Variants in PREB observed in about 807,000 individuals in gnomAD.
PREB encodes prolactin regulatory element binding, also known as guanine nucleotide-exchange factor SEC12.
Under a neutral mutation model 46.7 loss-of-function variants are expected in PREB, and 29 were observed. That is an observed-to-expected ratio of 0.62 (90% CI 0.46 to 0.85). PREB has a LOEUF of 0.85. Ranked by LOEUF, PREB falls within the 40% of genes least tolerant of loss-of-function variation. The pLI is 0.00. For missense variants in PREB, 494 were observed against 528.4 expected, an observed-to-expected ratio of 0.93 and a Z score of 0.64; for synonymous variants, 224 against 220.1, an observed-to-expected ratio of 1.02 and a Z score of -0.16.
rs1309924191 is a variant in PREB at position 27,133,680 on chromosome 2, G to C, written c.177C>G (p.Ala59=). The change falls in exon 2 of 9, where the codon GCC becomes GCG. Residue 59 remains alanine, a synonymous_variant. Transcript: ENST00000260643. The part of the protein sequence containing the change: ...QLELINGRLS[A]SLLHSHDTET... ...CTGTGTCATGGGAGTGCAGCAAGGA[G>C]GCACTCAAGCGCCCATTAATCAGCT... is the stretch of plus-strand genomic sequence containing the variant. 1 of 1,614,198 alleles carries C rather than the reference G, an allele frequency of 6.2e-7. No homozygotes were observed. The highest frequency in any genetic ancestry group is 1.7e-5 in the Admixed American group (1 of 60,022).
rs1469078195 is a variant in PREB, at chr2:27,131,419, G to A, written c.1249C>T (p.Leu417Phe). Residue 417 changes from leucine (L) to phenylalanine (F), a missense_variant, in exon 9 of 9, where the codon CTT (leucine) becomes TTT (phenylalanine). Transcript: ENST00000260643. ...ATTCCCAGGAAGCAGGGAAGCTAAA[G>A]GAAACCTGGAAAGGCACTCTGGAGC... Reference protein sequence around the residue: ...LLLQSAFPGFL With the variant: ...LLLQSAFPGFF The A allele has an allele frequency of 6.4e-7, 1 of 1,555,188 alleles. No individual in the cohort carries two copies. The highest frequency in any genetic ancestry group is 1.4e-5 in the African/African-American group (1 of 73,142).
At chr2:27,133,849 T>TAATGATA in intron 1 of PREB, 128 bp from the exon 2 acceptor site, 5 of 874,012 alleles carry the variant, frequency 5.7e-6, no homozygotes, top group African/African-American at 1.8e-5. Flanking sequence ...GAGTCTTTTT[T>TAATGATA]CTCTCATTTG....
At position 27,134,555 on chromosome 2, in the gene PREB, G is replaced by C; in HGVS notation, c.-134C>G. 1 of 1,360,128 alleles carries C rather than the reference G, an allele frequency of 7.4e-7. No homozygotes were observed. The highest frequency in any genetic ancestry group is 9.4e-7 in the Non-Finnish European group (1 of 1,063,266). The allele number at this position is 1,360,128 out of a possible 1,614,324, so 84.3% of individuals were successfully genotyped here. A position where few individuals can be genotyped will look rare whatever the true frequency, so the allele number is the denominator to read the frequency against. ...AGCACTCCCTACCCCTCTCACACCGGGGAGTTGCCAAAACCCTGACCATCA... is the reference window on the plus strand; with the variant it reads ...AGCACTCCCTACCCCTCTCACACCGCGGAGTTGCCAAAACCCTGACCATCA... On this transcript the variant is annotated 5_prime_UTR_variant, in exon 1 of 9. Coordinates refer to ENST00000260643, the MANE Select transcript of PREB (RefSeq NM_013388.6).
At chr2:27,133,057 C>A in intron 3 of PREB, 60 bp downstream of exon 3, 1 of 1,595,442 alleles carries the variant, frequency 6.3e-7, no homozygotes, top group East Asian at 2.2e-5. Context: ...CGTTCAACTT[C>A]TCACAATTTT....
In PREB at chr2:27,133,536, C is replaced by T. The variant is rs1672374706; in HGVS notation, c.321G>A (p.Lys107=). 2 of 1,613,080 alleles carry T rather than the reference C, an allele frequency of 1.2e-6. No individual in the cohort carries two copies. Among genetic ancestry groups the T allele is most frequent in the South Asian group, 2.2e-5 (2 of 91,022 alleles). The change falls in exon 2 of 9, where the codon AAG becomes AAA. Residue 107 remains lysine (K), a synonymous_variant. Coordinates refer to ENST00000260643, the MANE Select transcript of PREB (RefSeq NM_013388.6). The part of the protein sequence containing the change: ...AHQQQGNKAE[K]AGSKEQGPRQ... ...GGTAGAGAGGGAGCTCCTCACCGGCCTTCTCTGCCTTGTTGCCCTGCTGTT... is the reference window on the plus strand; with the variant it reads ...GGTAGAGAGGGAGCTCCTCACCGGCTTTCTCTGCCTTGTTGCCCTGCTGTT...
At position 27,132,213 on chromosome 2, in the gene PREB, G is replaced by A; in HGVS notation, c.926+17C>T. 6.2e-7 allele frequency: 1 copy of A among 1,614,108 alleles called. No homozygotes were observed. Among genetic ancestry groups the A allele is most frequent in the African/African-American group, 1.3e-5 (1 of 75,038 alleles). ...CTCAGGGACCCCCTACCTAGCCAAGGCAGCAATGTCTCACACCTGACATCG... is the reference window on the plus strand; with the variant it reads ...CTCAGGGACCCCCTACCTAGCCAAGACAGCAATGTCTCACACCTGACATCG... On this transcript the variant is annotated intron_variant, in intron 6 of 8. Transcript: ENST00000260643. This position sits in a 1 kb window ranked among gnomAD's most constrained non-coding sequence, Gnocchi z 4.0.
At position 27,132,794 on chromosome 2, in the gene PREB, G is replaced by C. The variant is rs1363278197; in HGVS notation, c.627+49C>G. On this transcript the variant is annotated intron_variant, in intron 4 of 8. Coordinates refer to ENST00000260643, the MANE Select transcript of PREB (RefSeq NM_013388.6). The surrounding 1 kb of genome is among the most constrained non-coding windows in gnomAD (Gnocchi z 4.0). ...TCCACTTACTGGGCAAGCAGCATAAGCACCTCCTCTCTCCTTTCTCCATCC... is the reference window on the plus strand; with the variant it reads ...TCCACTTACTGGGCAAGCAGCATAACCACCTCCTCTCTCCTTTCTCCATCC... The C allele has an allele frequency of 6.2e-7, 1 of 1,613,086 alleles. No individual in the cohort carries two copies. Among genetic ancestry groups the C allele is most frequent in the Non-Finnish European group, 8.5e-7 (1 of 1,179,250 alleles).
Position 27,133,594 on chromosome 2 carries a change from G to A in PREB, c.263C>T (p.Ala88Val). 6.2e-7 allele frequency: 1 copy of A among 1,614,124 alleles called. No homozygotes were observed. The highest frequency in any genetic ancestry group is 8.5e-7 in the Non-Finnish European group (1 of 1,179,990). Residue 88 changes from alanine (A) to valine (V), a missense_variant, in exon 2 of 9, where the codon GCC (alanine) becomes GTC (valine). Transcript: ENST00000260643. The stretch of plus-strand genomic sequence containing the variant: ...CTGGAAGCGCAGGAGCTGACAGTGG[G>A]CATCCTGCCCTGCAGCAAGGATGTC... ...AGDILAAGQD[A>V]HCQLLRFQAH...
rs1672306808 is a variant in PREB at position 27,132,196 on chromosome 2, C to A, written c.926+34G>T. 6.2e-7 allele frequency: 1 copy of A among 1,613,552 alleles called. No individual in the cohort carries two copies. Among genetic ancestry groups the A allele is most frequent in the East Asian group, 2.2e-5 (1 of 44,884 alleles). On this transcript the variant is annotated intron_variant, in intron 6 of 8. Coordinates refer to ENST00000260643, the MANE Select transcript of PREB (RefSeq NM_013388.6). The surrounding 1 kb of genome is among the most constrained non-coding windows in gnomAD (Gnocchi z 4.0). ...ACTCCTTTCCAAGCTCCCTCAGGGA[C>A]CCCCTACCTAGCCAAGGCAGCAATG...
rs1414491456 is a variant in PREB at position 27,132,299 on chromosome 2, T to C, written c.857A>G (p.Asp286Gly). The C allele has an allele frequency of 3.2e-5, 52 of 1,614,128 alleles. No homozygotes were observed. The highest frequency in any genetic ancestry group is 5.0e-5 in the Admixed American group (3 of 60,018). The part of the protein sequence containing the change: ...QPPPCYLTAW[D>G]GSNFLPLRTK... The stretch of plus-strand genomic sequence containing the variant: ...CCGAAGGGGCAAGAAGTTGGAGCCA[T>C]CCCAGGCTGTGAGGTAGCAGGGAGG... Residue 286 changes from aspartate to glycine, a missense_variant, in exon 6 of 9, where the codon GAT (aspartate) becomes GGT (glycine). Transcript: ENST00000260643. This position sits in a 1 kb window ranked among gnomAD's most constrained non-coding sequence, Gnocchi z 4.0.
Position 27,131,788 on chromosome 2 carries a change from TC to T in PREB, c.1042del (p.Asp348MetfsTer57). On this transcript the variant is annotated frameshift_variant, in exon 8 of 9. Coordinates refer to ENST00000260643, the MANE Select transcript of PREB (RefSeq NM_013388.6). LOFTEE classifies it high-confidence loss of function. The part of the protein sequence containing the change: ...VREAHGIVVT[D>X]VAFLPEKGRG... Reference sequence around the variant, plus strand: ...ACCCTTCTCAGGTAGAAAGGCCACATCCGTCACCACAATGCCATGGGCCTCC... The same window carrying T: ...ACCCTTCTCAGGTAGAAAGGCCACATCGTCACCACAATGCCATGGGCCTCC... 6.2e-7 allele frequency: 1 copy of T among 1,614,106 alleles called. No individual in the cohort carries two copies. The highest frequency in any genetic ancestry group is 1.3e-5 in the African/African-American group (1 of 75,012).
chr2:27,131,905 C>T, intron 7 of PREB, 74 bp from the exon 8 acceptor site: 1 of 1,592,780 alleles, frequency 6.3e-7, no homozygotes, highest in South Asian at 1.1e-5. Flanking sequence ...GTTCCCCACC[C>T]CCAGGATTTC....
Position 27,132,009 on chromosome 2 carries a change from C to A in PREB, c.999+1G>T. 1 of 1,613,800 alleles carries A rather than the reference C, an allele frequency of 6.2e-7. No homozygotes were observed. Among genetic ancestry groups the A allele is most frequent in the Non-Finnish European group, 8.5e-7 (1 of 1,179,676 alleles). ...GGGCCATGCCAACCTCCACCCATTA[C>A]CTGGAGAGAGAAAGCTATGTAGATG... On this transcript the variant is annotated splice_donor_variant, in intron 7 of 8. Transcript: ENST00000260643. LOFTEE classifies it high-confidence loss of function. This position sits in a 1 kb window ranked among gnomAD's most constrained non-coding sequence, Gnocchi z 4.0.
Position 27,133,296 on chromosome 2 carries a change from G to A in PREB, c.367C>T (p.Pro123Ser), listed in dbSNP as rs143024109. 149 of 1,614,142 alleles carry A rather than the reference G, an allele frequency of 9.2e-5. 1 individual carries two copies. In the African/African-American group the frequency reaches 1.6e-3, roughly 17 times the overall value. ...TCCGCTCCACATTTCTTCTCTGCTG[G>A]GGCTGCTCCCTTCCTTTGTCGAGGC... ...QGPRQRKGAA[P>S]AEKKCGAETQ... Residue 123 changes from proline (P) to serine (S), a missense_variant, in exon 3 of 9, where the codon CCA becomes TCA. Pro to Ser is a moderately conservative substitution (Grantham distance 74). Transcript: ENST00000260643.
chr2:27,133,519 G>C lies in PREB; in HGVS notation c.325+13C>G. The C allele has an allele frequency of 6.2e-7, 1 of 1,611,558 alleles. No individual in the cohort carries two copies. Among genetic ancestry groups the C allele is most frequent in the Non-Finnish European group, 8.5e-7 (1 of 1,178,408 alleles). Reference sequence around the variant, plus strand: ...AACCCTTTCCCCAAGGGGGTAGAGAGGGAGCTCCTCACCGGCCTTCTCTGC... The same window carrying C: ...AACCCTTTCCCCAAGGGGGTAGAGACGGAGCTCCTCACCGGCCTTCTCTGC... On this transcript the variant is annotated intron_variant, in intron 2 of 8. Coordinates refer to ENST00000260643, the MANE Select transcript of PREB (RefSeq NM_013388.6).
chr2:27,130,817 C>A lies in PREB; in HGVS notation c.*597G>T. The stretch of plus-strand genomic sequence containing the variant: ...ATATCAACTTTTCCTGCCTAATGGG[C>A]TGAGGTTCATTTTCCCATTCCTCAA... On this transcript the variant is annotated 3_prime_UTR_variant, in exon 9 of 9. Coordinates refer to ENST00000260643, the MANE Select transcript of PREB (RefSeq NM_013388.6). The A allele has an allele frequency of 6.6e-7, 1 of 1,512,918 alleles. No homozygotes were observed. Among genetic ancestry groups the A allele is most frequent in the Non-Finnish European group, 9.1e-7 (1 of 1,098,698 alleles). 93.7% of individuals were successfully genotyped at this position (1,512,918 alleles called of 1,614,324 possible). A position where few individuals can be genotyped will look rare whatever the true frequency, so the allele number is the denominator to read the frequency against.
chr2:27,133,915 A>T (rs1672390793), intron 1 of PREB, 194 bp from the exon 2 acceptor site: 7 of 635,688 alleles, frequency 1.1e-5, no homozygotes, highest in Non-Finnish European at 1.9e-5. Flanking sequence ...TATTTTACAG[A>T]ACAGGGTGAA....
In PREB at chr2:27,132,332, C is replaced by T. The variant is rs747679866; in HGVS notation, c.824G>A (p.Arg275His). 9.9e-6 allele frequency: 16 copies of T among 1,613,936 alleles called. No individual in the cohort carries two copies. Among genetic ancestry groups the T allele is most frequent in the African/African-American group, 8.0e-5 (6 of 74,918 alleles). The change falls in exon 6 of 9, where the codon CGC becomes CAC. Residue 275 changes from arginine (R) to histidine (H), a missense_variant. Transcript: ENST00000260643. The surrounding 1 kb of genome is among the most constrained non-coding windows in gnomAD (Gnocchi z 4.0). ...FTVQIPHKRL[R>H]QPPPCYLTAW... ...TGTGAGGTAGCAGGGAGGGGGCTGG[C>T]GCAGGCGCTTGTGGGGAATTTGCAC...
rs1558477370 is a variant in PREB at position 27,130,880 on chromosome 2, A to T, written c.*534T>A. On this transcript the variant is annotated 3_prime_UTR_variant, in exon 9 of 9. Coordinates refer to ENST00000260643, the MANE Select transcript of PREB (RefSeq NM_013388.6). ...CTACCTAGGAACTTATTGCATCTTT[A>T]GGCCAGCTGGCTTAGTGCTACCCAT... 9.4e-7 allele frequency: 1 copy of T among 1,058,326 alleles called. No individual in the cohort carries two copies. The highest frequency in any genetic ancestry group is 1.6e-5 in the African/African-American group (1 of 62,972). 65.6% of individuals were successfully genotyped at this position (1,058,326 alleles called of 1,614,324 possible). A position where few individuals can be genotyped will look rare whatever the true frequency, so the allele number is the denominator to read the frequency against.
Sources: allele counts gnomAD v4.1 joint callset, GRCh38; gene constraint gnomAD v4.1.1; non-coding constraint Gnocchi (gnomAD v3.1); transcripts MANE v1.5; gene names NCBI Gene and HGNC (gene_info 2026-07-23, HGNC 2026-07-21).